DCLK1: variants seen among roughly 807,000 people sequenced by gnomAD.
DCLK1 encodes the protein serine/threonine-protein kinase DCLK1.
A neutral mutation model predicts 86.2 loss-of-function variants in DCLK1; 16 were observed. That is an observed-to-expected ratio of 0.19 (90% CI 0.13 to 0.28). The LOEUF is 0.28. Ranked by LOEUF, DCLK1 falls within the 10% of genes least tolerant of loss-of-function variation. DCLK1 has a pLI of 1.00. For synonymous variants in DCLK1, 369 were observed against 370.5 expected (o/e 1.00, Z 0.05); for missense variants, 590 against 940.2 (o/e 0.63, Z 4.87).
chr13:36,112,662 A>G (rs1471419125), intron 2 of DCLK1, among the ~76,000 whole-genome samples: 2 of 152,196 alleles, frequency 1.3e-5, no homozygotes, highest in African/African-American at 4.8e-5. Flanking sequence ...TAGTCATATA[A>G]TTTACGAATT....
intron 3 of DCLK1, among the ~76,000 whole-genome samples, chr13:35,963,414 C>T (rs1878562357): frequency 6.6e-6 from 1 of 152,090 alleles, no homozygotes; most frequent in Admixed American, 6.6e-5. Flanking sequence ...GGGTAGGAGA[C>T]ATAATAGGAA....
At chr13:35,922,427 A>G (rs773138869) in intron 4 of DCLK1, among the ~76,000 whole-genome samples, 1 of 152,214 alleles carries the variant, frequency 6.6e-6, no homozygotes, top group African/African-American at 2.4e-5. Context: ...CAGATGATCA[A>G]TAAATATGTC....
intron 6 of DCLK1, chr13:35,848,634 T>A (rs1350110135): frequency 2.0e-6 from 2 of 985,240 alleles, no homozygotes; most frequent in Non-Finnish European, 2.4e-6. Context: ...ATCTACCACT[T>A]AGAACAAATA....
intron 4 of DCLK1, among the ~76,000 whole-genome samples, chr13:35,901,338 A>G (rs2153122306): frequency 6.6e-6 from 1 of 151,948 alleles, no homozygotes; most frequent in East Asian, 1.9e-4. Context: ...AATACAAAAA[A>G]AATTAGCTGG....
chr13:35,904,771 C>T (rs893915520), intron 4 of DCLK1, among the ~76,000 whole-genome samples: 1 of 152,192 alleles, frequency 6.6e-6, no homozygotes. Flanking sequence ...AGTCTCAATG[C>T]TTTGCTCGGG....
intron 5 of DCLK1, among the ~76,000 whole-genome samples, chr13:35,863,651 A>G (rs1019840624): frequency 6.6e-6 from 1 of 152,170 alleles, no homozygotes; most frequent in African/African-American, 2.4e-5. Context: ...ATTTCCTTGG[A>G]GCTCCAAAGC....
At chr13:35,875,867 T>C (rs914956529) in intron 4 of DCLK1, among the ~76,000 whole-genome samples, 3 of 152,104 alleles carry the variant, frequency 2.0e-5, no homozygotes, top group African/African-American at 4.8e-5. Context: ...CAAACTCTCA[T>C]TGTACACCCA....
intron 3 of DCLK1, among the ~76,000 whole-genome samples, chr13:36,072,353 C>T (rs1253128471): frequency 6.6e-6 from 1 of 152,140 alleles, no homozygotes; most frequent in Non-Finnish European, 1.5e-5. Flanking sequence ...ATACGGGTGC[C>T]CTTTCTTTTT....
chr13:36,050,971 T>A (rs950250823), intron 3 of DCLK1, among the ~76,000 whole-genome samples: 3 of 152,078 alleles, frequency 2.0e-5, no homozygotes, highest in Non-Finnish European at 4.4e-5. Flanking sequence ...CAGTGACATG[T>A]CAACAAGCCA....
In DCLK1 at chr13:35,774,611, G is replaced by T; in HGVS notation, c.2147C>A (p.Pro716His). 6.3e-7 allele frequency: 1 copy of T among 1,598,458 alleles called. No homozygotes were observed. Among genetic ancestry groups the T allele is most frequent in the East Asian group, 2.3e-5 (1 of 44,164 alleles). ...RSRYKAQPAPPELNSESEDYS... is the reference protein window; with the variant it reads ...RSRYKAQPAPHELNSESEDYS... ...GTCTTCCGATTCCGAGTTGAGTTCGGGAGGAGCTGGCTGCGCCTTGTACCG... is the reference window on the plus strand; with the variant it reads ...GTCTTCCGATTCCGAGTTGAGTTCGTGAGGAGCTGGCTGCGCCTTGTACCG... Residue 716 changes from proline to histidine, a missense_variant, in exon 17 of 17, where the codon CCC becomes CAC. By Grantham distance (77) the Pro-to-His change is moderately conservative. This residue lies in a region of DCLK1 where 146 missense variants were observed against 190.2 expected (regional missense o/e 0.77). Coordinates refer to ENST00000360631, the MANE Select transcript of DCLK1 (RefSeq NM_001330071.2).
chr13:36,022,284 C>G (rs993602371), intron 3 of DCLK1, among the ~76,000 whole-genome samples: 1 of 151,868 alleles, frequency 6.6e-6, no homozygotes, highest in African/African-American at 2.4e-5. Context: ...GGGACAAAAT[C>G]ATAGCTGTAA....
chr13:36,025,602 C>T (rs1308929423), intron 3 of DCLK1, among the ~76,000 whole-genome samples: 1 of 152,084 alleles, frequency 6.6e-6, no homozygotes, highest in Non-Finnish European at 1.5e-5. Context: ...CATGAAAACA[C>T]GATAAATTTT....
chr13:35,804,708 C>T (rs1233911940), intron 15 of DCLK1, among the ~76,000 whole-genome samples: 1 of 152,188 alleles, frequency 6.6e-6, no homozygotes, highest in Non-Finnish European at 1.5e-5. Context: ...GCTGGGATTA[C>T]AGGCGTGAGG....
intron 3 of DCLK1, among the ~76,000 whole-genome samples, chr13:35,995,143 A>AG (rs1880414412): frequency 1.3e-5 from 2 of 152,162 alleles, no homozygotes; most frequent in Non-Finnish European, 2.9e-5. Flanking sequence ...TTCTTTCTTA[A>AG]ACCTCTGCTC....
At chr13:35,894,230 T>C (rs952224950) in intron 4 of DCLK1, among the ~76,000 whole-genome samples, 1 of 152,122 alleles carries the variant, frequency 6.6e-6, no homozygotes, top group Non-Finnish European at 1.5e-5. Context: ...TTCCCCAACA[T>C]GCATGACCTT....
chr13:36,052,445 G>T (rs1308033042), intron 3 of DCLK1, among the ~76,000 whole-genome samples: 2 of 152,102 alleles, frequency 1.3e-5, no homozygotes, highest in Non-Finnish European at 2.9e-5. Flanking sequence ...GTAGCAAAGA[G>T]CCTCAAAATC....
Position 35,839,123 on chromosome 13 carries a change from G to T in DCLK1, c.1089C>A (p.Ser363Arg), listed in dbSNP as rs1227873881. ...CAGGGCCATCGTTCTCATCCATCGA[G>T]CTGCAGACTTTGGTGGACGCAAGTG... is the stretch of plus-strand genomic sequence containing the variant. ...STSLASTKVCSSMDENDGPGE... is the reference protein window; with the variant it reads ...STSLASTKVCRSMDENDGPGE... Residue 363 changes from serine (S) to arginine (R), a missense_variant, in exon 7 of 17, where the codon AGC (serine) becomes AGA (arginine). Physicochemically the swap from Ser to Arg is moderately radical, Grantham distance 110. Around this residue, in one of 6 missense-constraint regions of DCLK1, gnomAD observed 63 missense variants for 64.3 expected, o/e 0.98. Coordinates refer to ENST00000360631, the MANE Select transcript of DCLK1 (RefSeq NM_001330071.2). 1.3e-6 allele frequency: 2 copies of T among 1,599,854 alleles called. No homozygotes were observed. Among genetic ancestry groups the T allele is most frequent in the Non-Finnish European group, 1.7e-6 (2 of 1,173,456 alleles).
intron 10 of DCLK1, among the ~76,000 whole-genome samples, chr13:35,823,523 G>C (rs1461550247): frequency 6.6e-6 from 1 of 152,126 alleles, no homozygotes; most frequent in East Asian, 1.9e-4. Flanking sequence ...GGGAGGAAGG[G>C]GGGGAAATCT....
At chr13:35,888,382 G>T (rs1873424986) in intron 4 of DCLK1, among the ~76,000 whole-genome samples, 1 of 152,188 alleles carries the variant, frequency 6.6e-6, no homozygotes, top group Admixed American at 6.5e-5. Flanking sequence ...GAAAAGGTTA[G>T]AAACATCTAA....
Sources: allele counts gnomAD v4.1 joint callset (sites outside exome capture counted in the v4.1 genomes callset), GRCh38; gene constraint gnomAD v4.1.1; regional missense constraint gnomAD v4.1.1; transcripts MANE v1.5; gene names NCBI Gene and HGNC (gene_info 2026-07-23, HGNC 2026-07-21).